PRKCD: variants seen among roughly 807,000 people sequenced by gnomAD.
The protein encoded by PRKCD is protein kinase C delta, also known as protein kinase C delta type.
Under a neutral mutation model 82.2 loss-of-function variants are expected in PRKCD, and 20 were observed. The observed-to-expected ratio is 0.24, with a 90% CI of 0.17 to 0.35. The LOEUF is 0.35. Ranked by LOEUF, PRKCD falls within the 10% of genes least tolerant of loss-of-function variation. PRKCD has a pLI of 1.00. For synonymous variants in PRKCD, 317 were observed against 337.0 expected, an observed-to-expected ratio of 0.94 and a Z score of 0.65; for missense variants, 607 against 899.0, an observed-to-expected ratio of 0.68 and a Z score of 4.15.
intron 15 of PRKCD, among the ~76,000 whole-genome samples, chr3:53,188,344 A>G (rs1553669836): frequency 6.6e-6 from 1 of 152,176 alleles, no homozygotes; most frequent in Non-Finnish European, 1.5e-5. Context: ...ATATGCATTA[A>G]GTATATACTC....
chr3:53,167,112 G>C (rs1047927648), intron 2 of PRKCD, among the ~76,000 whole-genome samples: 11 of 152,224 alleles, frequency 7.2e-5, no homozygotes, highest in African/African-American at 1.4e-4. Flanking sequence ...CTAGGAGAGA[G>C]GCCCATCTGT....
At chr3:53,178,082 A>C (rs1553666266) in intron 2 of PRKCD, among the ~76,000 whole-genome samples, 1 of 151,910 alleles carries the variant, frequency 6.6e-6, no homozygotes, top group African/African-American at 2.4e-5. Context: ...AGTAGCTGGA[A>C]TTACAGGCAT....
intron 15 of PRKCD, among the ~76,000 whole-genome samples, chr3:53,188,213 A>AAAAAAAAAAAAAAC (rs1703785043): frequency 6.7e-6 from 1 of 148,856 alleles, no homozygotes; most frequent in Non-Finnish European, 1.5e-5. Context: ...AAAAAAAAAA[A>AAAAAAAAAAAAAAC]AGGTGGGAGC....
intron 15 of PRKCD, 129 bp downstream of exon 15, chr3:53,187,531 G>T: frequency 1.8e-6 from 2 of 1,111,994 alleles, no homozygotes; most frequent in South Asian, 1.5e-5. Context: ...CTTTAGCTGG[G>T]TATTTGCCTA....
Position 53,169,679 on chromosome 3 carries a change from G to C in PRKCD, c.-20+4464G>C, listed in dbSNP as rs1702952934. ...AAAGCTTAGAGGTCTCCATTGTTGAGACAGGGAGGCTGGAGCCCCGGGAGG... is the reference window on the plus strand; with the variant it reads ...AAAGCTTAGAGGTCTCCATTGTTGACACAGGGAGGCTGGAGCCCCGGGAGG... On this transcript the variant is annotated intron_variant, in intron 2 of 18. Transcript: ENST00000330452. The surrounding 1 kb of genome is among the most constrained non-coding windows in gnomAD (Gnocchi z 4.7). Among the ~76,000 whole-genome samples the C allele has an allele frequency of 6.6e-6, 1 of 152,172 alleles. No homozygotes were observed. Among genetic ancestry groups the C allele is most frequent in the South Asian group, 2.1e-4 (1 of 4,830 alleles).
chr3:53,191,237 A>G lies in PRKCD; in HGVS notation c.1873-871A>G, dbSNP rs79554771. Among the ~76,000 whole-genome samples, 165 of 152,204 alleles carry G rather than the reference A, an allele frequency of 1.1e-3. 1 individual carries two copies. The highest frequency in any genetic ancestry group is 3.8e-3 in the African/African-American group (157 of 41,530). ...GCCAACATGGTGAAACCCCGTCTCT[A>G]CTACAAAAAATACAAAAAAAATTAG... On this transcript the variant is annotated intron_variant, in intron 18 of 18. Transcript: ENST00000330452.
intron 17 of PRKCD, 47 bp from the exon 18 acceptor site, chr3:53,189,826 T>C: frequency 1.2e-6 from 2 of 1,609,714 alleles, no homozygotes; most frequent in East Asian, 2.2e-5. Flanking sequence ...GAAGCTCCAA[T>C]TTCCCATGGC....
intron 9 of PRKCD, 52 bp downstream of exon 9, chr3:53,183,633 T>C: frequency 6.2e-7 from 1 of 1,602,524 alleles, no homozygotes; most frequent in Non-Finnish European, 8.5e-7. Flanking sequence ...CAGCTGGTGC[T>C]GCTGTGAATT....
In PRKCD at chr3:53,185,104, G is replaced by A. The variant is rs1703624066; in HGVS notation, c.888+130G>A. The A allele has an allele frequency of 3.2e-5, 25 of 776,674 alleles. No individual in the cohort carries two copies. In the South Asian group the frequency reaches 4.2e-4, roughly 13 times the overall value. The allele number at this position is 776,674 out of a possible 1,614,324, so 48.1% of individuals were successfully genotyped here. On this transcript the variant is annotated intron_variant, in intron 10 of 18. Coordinates refer to ENST00000330452, the MANE Select transcript of PRKCD (RefSeq NM_006254.4). ...ACCCAGGACTCTACTTCGGGAAGAT[G>A]CAACTCAAGAATTTAGGCAGCAGAG... is the stretch of plus-strand genomic sequence containing the variant.
Position 53,189,253 on chromosome 3 carries a change from G to T in PRKCD, c.1743+7G>T. ...CAAGGACATCCTGGAGAAGGTGGAG[G>T]CCCTGGGCTGGGCTGGGCTGGTCTG... On this transcript the variant is annotated splice_region_variant and intron_variant, in intron 17 of 18. Coordinates refer to ENST00000330452, the MANE Select transcript of PRKCD (RefSeq NM_006254.4). The T allele has an allele frequency of 6.3e-7, 1 of 1,584,344 alleles. No homozygotes were observed.
chr3:53,174,613 C>G (rs1423464829), intron 2 of PRKCD, among the ~76,000 whole-genome samples: 1 of 152,192 alleles, frequency 6.6e-6, no homozygotes, highest in Non-Finnish European at 1.5e-5. Context: ...AGAGCAGGGA[C>G]TTGTGGCTCA....
At chr3:53,179,799 CGT>C (rs3830263) in intron 4 of PRKCD, 23 bp downstream of exon 4, 1,254 of 1,397,188 alleles carry the variant, frequency 9.0e-4, no homozygotes, top group African/African-American at 2.2e-3. Context: ...CGAGCCGTGC[CGT>C]GTGTGTGTGT....
At position 53,179,635 on chromosome 3, in the gene PRKCD, G is replaced by A. The variant is rs55719519; in HGVS notation, c.174G>A (p.Thr58=). Residue 58 remains threonine, a synonymous_variant, in exon 4 of 19, where the codon ACG becomes ACA. Coordinates refer to ENST00000330452, the MANE Select transcript of PRKCD (RefSeq NM_006254.4). ...KPTMYPEWKS[T]FDAHIYEGRV... is the part of the protein sequence containing the mutation. ...CCATGTATCCTGAGTGGAAGTCGAC[G>A]TTCGATGCCCACATCTATGAGGGGC... The A allele has an allele frequency of 6.0e-5, 97 of 1,614,044 alleles. No homozygotes were observed. Among genetic ancestry groups the A allele is most frequent in the Non-Finnish European group, 7.5e-5 (89 of 1,180,022 alleles).
chr3:53,176,562 T>C (rs1553665935), intron 2 of PRKCD, among the ~76,000 whole-genome samples: 2 of 152,246 alleles, frequency 1.3e-5, no homozygotes, highest in Admixed American at 6.5e-5. Context: ...TACATGTGCA[T>C]GTGCACAAAA....
intron 15 of PRKCD, 72 bp downstream of exon 15, chr3:53,187,474 C>G: frequency 6.6e-7 from 1 of 1,521,120 alleles, no homozygotes; most frequent in Middle Eastern, 2.0e-4. Context: ...TGAAATGCTC[C>G]AAGCAGGATC....
chr3:53,179,360 A>G (rs1703335106), intron 3 of PRKCD: 1 of 696,072 alleles, frequency 1.4e-6, no homozygotes, highest in Non-Finnish European at 2.6e-6. Context: ...CTGGAGCAAG[A>G]GGATCAGAGG....
At chr3:53,174,322 C>T (rs1575529280) in intron 2 of PRKCD, among the ~76,000 whole-genome samples, 3 of 152,180 alleles carry the variant, frequency 2.0e-5, no homozygotes, top group Non-Finnish European at 4.4e-5. Context: ...ACTAGGAGCC[C>T]TTAGGCAGCT....
chr3:53,181,290 G>GGGCT (rs1261818176), intron 5 of PRKCD, 23 bp downstream of exon 5: 9 of 1,612,832 alleles, frequency 5.6e-6, no homozygotes, highest in Non-Finnish European at 7.6e-6. Flanking sequence ...TGGGGGTGGA[G>GGGCT]GGCTCCCTTG....
rs575167797 is a variant in PRKCD, at chr3:53,183,585, C to T, written c.787+4C>T. ...AAGCAGGGATTAAAGTGTGAAGGTG[C>T]GTGCCACCCCGCCCCTGGGCTGCAG... is the stretch of plus-strand genomic sequence containing the variant. On this transcript the variant is annotated splice_donor_region_variant and intron_variant, in intron 9 of 18. Coordinates refer to ENST00000330452, the MANE Select transcript of PRKCD (RefSeq NM_006254.4). 76 of 1,613,602 alleles carry T rather than the reference C, an allele frequency of 4.7e-5. No homozygotes were observed. In the Middle Eastern group the frequency reaches 5.0e-4, roughly 11 times the overall value.
Sources: gnomAD v4.1 joint callset for allele counts (sites outside exome capture counted in the v4.1 genomes callset) on GRCh38, gnomAD v4.1.1 for gene constraint, Gnocchi (gnomAD v3.1) non-coding constraint, MANE v1.5 for transcripts, NCBI Gene and HGNC (gene_info 2026-07-23, HGNC 2026-07-21) for gene names.